The following ARHGEF10 variants were observed in gnomAD, a reference collection of about 807,000 sequenced individuals.
The protein encoded by ARHGEF10 is Rho guanine nucleotide exchange factor 10.
In ARHGEF10, 140 loss-of-function variants were observed where a neutral mutation model predicts 147.4. That is an observed-to-expected ratio of 0.95 (90% CI 0.83 to 1.09). ARHGEF10 has a LOEUF of 1.09. Ranked by LOEUF, ARHGEF10 falls within the 50% of genes least tolerant of loss-of-function variation. ARHGEF10 has a pLI of 0.00. For synonymous variants in ARHGEF10, 902 were observed against 695.8 expected, an observed-to-expected ratio of 1.30 and a Z score of -4.67; for missense variants, 2,222 against 1,752.7, an observed-to-expected ratio of 1.27 and a Z score of -4.78.
intron 1 of ARHGEF10, among the ~76,000 whole-genome samples, chr8:1,832,983 CAG>C (rs1464461665): frequency 7.4e-5 from 1 of 13,560 alleles, no homozygotes; most frequent in Non-Finnish European, 1.4e-4. Context: ...CAGAGAGAGA[CAG>C]AGACAGAGGC....
intron 27 of ARHGEF10, chr8:1,945,880 C>T (rs1377728409): frequency 1.3e-6 from 1 of 760,680 alleles, no homozygotes; most frequent in Non-Finnish European, 2.2e-6. Flanking sequence ...CTGAAGGAGC[C>T]GCGTGCTGGG....
At position 1,881,688 on chromosome 8, in the gene ARHGEF10, G is replaced by A. The variant is rs570518060; in HGVS notation, c.961-947G>A. Among the ~76,000 whole-genome samples, 14 of 152,292 alleles carry A rather than the reference G, an allele frequency of 9.2e-5. No individual in the cohort carries two copies. The South Asian group carries it at 1.0e-3, about 11-fold the overall frequency. Reference sequence around the variant, plus strand: ...CGCTTCAGGAAGGCAGCCCTCAGGCGTTTGGAAGTCCAGGGCAGGCAGACA... The same window carrying A: ...CGCTTCAGGAAGGCAGCCCTCAGGCATTTGGAAGTCCAGGGCAGGCAGACA... On this transcript the variant is annotated intron_variant, in intron 9 of 28. Coordinates refer to ENST00000349830, the MANE Select transcript of ARHGEF10 (RefSeq NM_014629.4).
intron 8 of ARHGEF10, among the ~76,000 whole-genome samples, chr8:1,877,112 A>G (rs1048636798): frequency 7.2e-5 from 11 of 152,246 alleles, no homozygotes; most frequent in African/African-American, 2.4e-4. Flanking sequence ...GCACATCTGC[A>G]CTTTGCTTTA....
At chr8:1,928,347 C>T (rs1279334426) in intron 23 of ARHGEF10, 80 bp from the exon 24 acceptor site, 1 of 1,303,930 alleles carries the variant, frequency 7.7e-7, no homozygotes, top group Non-Finnish European at 1.1e-6. Context: ...CTTGTCGTGG[C>T]CTTTAAGGGT....
Position 1,922,978 on chromosome 8 carries a change from G to C in ARHGEF10, c.2158G>C (p.Gly720Arg). The change falls in exon 19 of 29, where the codon GGG becomes CGG. Residue 720 changes from glycine (G) to arginine (R), a missense_variant. Transcript: ENST00000349830. ...TTATTTTGTAGACAAAGTTTACATG[G>C]GGCCAGGACAACTGTATCAAGATTT... ...ANAKPNKVYM[G>R]PGQLYQDLQN... The C allele has an allele frequency of 6.2e-7, 1 of 1,612,414 alleles. No homozygotes were observed. Among genetic ancestry groups the C allele is most frequent in the Non-Finnish European group, 8.5e-7 (1 of 1,179,194 alleles).
chr8:1,956,785 C>T lies in ARHGEF10; in HGVS notation c.3557C>T (p.Pro1186Leu). 1.2e-6 allele frequency: 2 copies of T among 1,614,014 alleles called. No homozygotes were observed. The highest frequency in any genetic ancestry group is 2.2e-5 in the South Asian group (2 of 91,086). ...GMVSYHAHNSPVKFIVLATAL... is the reference protein window; with the variant it reads ...GMVSYHAHNSLVKFIVLATAL... ...GTCTCCTACCATGCACACAACAGTC[C>T]TGTCAAATTCATCGTCCTGGCCACG... is the stretch of plus-strand genomic sequence containing the variant. Residue 1186 changes from proline (P) to leucine (L), a missense_variant, in exon 29 of 29, where the codon CCT (proline) becomes CTT (leucine). By Grantham distance (98) the Pro-to-Leu change is moderately conservative (BLOSUM62 -3). Coordinates refer to ENST00000349830, the MANE Select transcript of ARHGEF10 (RefSeq NM_014629.4).
At chr8:1,951,918 G>A (rs76865437) in intron 27 of ARHGEF10, among the ~76,000 whole-genome samples, 8 of 135,398 alleles carry the variant, frequency 5.9e-5, no homozygotes, top group Non-Finnish European at 1.3e-4. Context: ...CTTCCTTGTA[G>A]CCACCGTGAG....
At chr8:1,951,731 T>C (rs921339975) in intron 27 of ARHGEF10, among the ~76,000 whole-genome samples, 1 of 152,244 alleles carries the variant, frequency 6.6e-6, no homozygotes, top group Non-Finnish European at 1.5e-5. Flanking sequence ...GCTTTGGGGC[T>C]AAACAGAGAA....
Position 1,945,521 on chromosome 8 carries a change from C to G in ARHGEF10, c.3263C>G (p.Ser1088Cys). The change falls in exon 27 of 29, where the codon TCC becomes TGC. Residue 1088 changes from serine (S) to cysteine (C), a missense_variant. Physicochemically the swap from Ser to Cys is moderately radical, Grantham distance 112. Coordinates refer to ENST00000349830, the MANE Select transcript of ARHGEF10 (RefSeq NM_014629.4). ...CACCAGGAGGAAGGCATGGTGATCT[C>G]CCACATGGCCGTGTCCGGCGTCGGG... The part of the protein sequence containing the change: ...EAHQEEGMVI[S>C]HMAVSGVGIW... 6.2e-7 allele frequency: 1 copy of G among 1,613,106 alleles called. No individual in the cohort carries two copies.
intron 18 of ARHGEF10, among the ~76,000 whole-genome samples, chr8:1,916,666 C>T (rs10107279): frequency 0.54 from 81,418 of 151,930 alleles, 21,997 homozygotes; most frequent in Middle Eastern, 0.59. Context: ...ACCAAGATTT[C>T]TCTATACTTT....
At chr8:1,832,377 CAG>C (rs1381251233) in intron 1 of ARHGEF10, among the ~76,000 whole-genome samples, 1 of 46,560 alleles carries the variant, frequency 2.1e-5, no homozygotes. Flanking sequence ...GAGACAGAGA[CAG>C]AGGCAGAGGC....
chr8:1,927,030 A>G (rs562993680), intron 23 of ARHGEF10: 1 of 189,060 alleles, frequency 5.3e-6, no homozygotes, highest in South Asian at 9.9e-5. Flanking sequence ...CCAAACTCTC[A>G]TCCTTTCCTC....
chr8:1,928,701 G>T, intron 24 of ARHGEF10, 51 bp downstream of exon 24: 1 of 1,590,974 alleles, frequency 6.3e-7, no homozygotes, highest in Non-Finnish European at 8.6e-7. Context: ...TGCCCATGGA[G>T]GGCGTGGTGG....
At chr8:1,898,136 A>G (rs567006999) in intron 14 of ARHGEF10, among the ~76,000 whole-genome samples, 1 of 152,272 alleles carries the variant, frequency 6.6e-6, no homozygotes, top group East Asian at 1.9e-4. Context: ...CACTATGGCC[A>G]GAACACAGAC....
At chr8:1,913,216 C>G (rs1041986196) in intron 18 of ARHGEF10, among the ~76,000 whole-genome samples, 1 of 152,066 alleles carries the variant, frequency 6.6e-6, no homozygotes, top group Non-Finnish European at 1.5e-5. Flanking sequence ...GTTGCTCTAG[C>G]CGGGCTCTGG....
rs140692254 is a variant in ARHGEF10, at chr8:1,954,162, C to A, written c.3520+1335C>A. On this transcript the variant is annotated intron_variant, in intron 28 of 28. Coordinates refer to ENST00000349830, the MANE Select transcript of ARHGEF10 (RefSeq NM_014629.4). The stretch of plus-strand genomic sequence containing the variant: ...AGGACGGAGTCCAGTGGCACAGTCT[C>A]GGCTCACTGCACCCTCTGCCTGCCA... Among the ~76,000 whole-genome samples the A allele has an allele frequency of 2.0e-5, 3 of 152,146 alleles. No individual in the cohort carries two copies. In the East Asian group the frequency reaches 5.8e-4, roughly 29 times the overall value.
At position 1,903,458 on chromosome 8, in the gene ARHGEF10, A is replaced by G; in HGVS notation, c.1821+7A>G. On this transcript the variant is annotated splice_region_variant and intron_variant, in intron 16 of 28. Coordinates refer to ENST00000349830, the MANE Select transcript of ARHGEF10 (RefSeq NM_014629.4). ...CGAAAGATACCTGAACAAGGTTGAG[A>G]GAGGTTTTCTTCAACTCTATTCCAA... 2 of 1,614,024 alleles carry G rather than the reference A, an allele frequency of 1.2e-6. No individual in the cohort carries two copies. Among genetic ancestry groups the G allele is most frequent in the Non-Finnish European group, 1.7e-6 (2 of 1,180,030 alleles).
chr8:1,864,012 G>A (rs925653728), intron 4 of ARHGEF10, among the ~76,000 whole-genome samples: 1 of 151,850 alleles, frequency 6.6e-6, no homozygotes, highest in Non-Finnish European at 1.5e-5. Context: ...AGAACATCCC[G>A]TTTCTTTCTA....
At chr8:1,936,418 G>C (rs1446261006) in intron 26 of ARHGEF10, among the ~76,000 whole-genome samples, 1 of 152,156 alleles carries the variant, frequency 6.6e-6, no homozygotes, top group South Asian at 2.1e-4. Context: ...GCTGAAGTGG[G>C]AGGATCACTT....
Sources: gnomAD v4.1 joint callset for allele counts (sites outside exome capture counted in the v4.1 genomes callset) on GRCh38, gnomAD v4.1.1 for gene constraint, MANE v1.5 for transcripts, NCBI Gene and HGNC (gene_info 2026-07-23, HGNC 2026-07-21) for gene names.